SFRP1: variants seen among roughly 807,000 people sequenced by gnomAD.
SFRP1 encodes secreted frizzled-related protein 1.
SFRP1 carries 9 observed loss-of-function variants against 25.9 expected under a neutral mutation model. That is an observed-to-expected ratio of 0.35 (90% CI 0.21 to 0.61). The LOEUF is 0.61. Ranked by LOEUF, SFRP1 falls within the 20% of genes least tolerant of loss-of-function variation. The pLI, the probability that SFRP1 is intolerant of heterozygous loss-of-function variation, is 0.78. For missense variants in SFRP1, 346 were observed against 418.2 expected (o/e 0.83, Z 1.51); for synonymous variants, 178 against 174.0 (o/e 1.02, Z -0.18).
rs1309048613 is a variant in SFRP1, at chr8:41,262,857, G to A, written c.*2310C>T. ...ATGTGACAGAGACAAAGCTGCTATG[G>A]GTCTAAAACCTTCAATAAAGTAACT... On this transcript the variant is annotated 3_prime_UTR_variant, in exon 3 of 3. Coordinates refer to ENST00000220772, the MANE Select transcript of SFRP1 (RefSeq NM_003012.5). The A allele has an allele frequency of 6.6e-6, 1 of 152,146 alleles. No homozygotes were observed. The highest frequency in any genetic ancestry group is 2.4e-5 in the African/African-American group (1 of 41,408). 9.4% of individuals were successfully genotyped at this position (152,146 alleles called of 1,614,324 possible). A position where few individuals can be genotyped will look rare whatever the true frequency, so the allele number is the denominator to read the frequency against.
chr8:41,283,782 C>T (rs563011833), intron 2 of SFRP1, among the ~76,000 whole-genome samples: 70 of 152,096 alleles, frequency 4.6e-4, no homozygotes, highest in African/African-American at 1.6e-3. Context: ...AGGCTGGTCT[C>T]GAACTCCTGA....
chr8:41,293,547 T>A (rs1038695456), intron 2 of SFRP1, among the ~76,000 whole-genome samples: 1 of 152,138 alleles, frequency 6.6e-6, no homozygotes, highest in Non-Finnish European at 1.5e-5. Context: ...CCTCCTCTAC[T>A]TTCTCCATTA....
rs1803859553 is a variant in SFRP1, at chr8:41,297,599, G to A, written c.622+5862C>T. On this transcript the variant is annotated intron_variant, in intron 2 of 2. Transcript: ENST00000220772. Reference sequence around the variant, plus strand: ...CATATTCCAGGAACTGTCCACACTTGATTAAATCCAATTCTCCCAACACAG... The same window carrying A: ...CATATTCCAGGAACTGTCCACACTTAATTAAATCCAATTCTCCCAACACAG... 2.0e-5 allele frequency among the ~76,000 whole-genome samples: 3 copies of A among 152,044 alleles called. No homozygotes were observed. In the South Asian group the frequency reaches 6.2e-4, roughly 32 times the overall value.
intron 2 of SFRP1, among the ~76,000 whole-genome samples, chr8:41,288,650 C>T (rs1417803357): frequency 1.3e-5 from 2 of 151,038 alleles, no homozygotes; most frequent in African/African-American, 2.4e-5. Context: ...TGCATGATGG[C>T]CATCATTTGG....
At chr8:41,279,509 T>C (rs1803609075) in intron 2 of SFRP1, among the ~76,000 whole-genome samples, 1 of 152,120 alleles carries the variant, frequency 6.6e-6, no homozygotes, top group African/African-American at 2.4e-5. Flanking sequence ...AACTAGTCCA[T>C]GGCAGAGCGG....
chr8:41,294,839 C>T (rs751119529), intron 2 of SFRP1, among the ~76,000 whole-genome samples: 10 of 152,066 alleles, frequency 6.6e-5, no homozygotes, highest in Admixed American at 1.3e-4. Flanking sequence ...CAAATGTCAC[C>T]TTCTCTCAGG....
Position 41,308,755 on chromosome 8 carries a change from G to A in SFRP1, c.405C>T (p.Ala135=), listed in dbSNP as rs373338351. Residue 135 remains alanine (A), a synonymous_variant, in exon 1 of 3, where the codon GCC becomes GCT. Coordinates refer to ENST00000220772, the MANE Select transcript of SFRP1 (RefSeq NM_003012.5). ...TGACCGGCTCGCACGAGTCGCGCAC[G>A]GCCTCGCAGAGCCAGCGACACGGGT... is the stretch of plus-strand genomic sequence containing the variant. ...PIYPCRWLCE[A]VRDSCEPVMQ... 3 of 1,608,752 alleles carry A rather than the reference G, an allele frequency of 1.9e-6. No homozygotes were observed. In the Admixed American group the frequency reaches 5.1e-5, roughly 27 times the overall value.
chr8:41,265,622 AAT>A (rs1172785035), intron 2 of SFRP1, 133 bp from the exon 3 acceptor site: 3 of 627,582 alleles, frequency 4.8e-6, no homozygotes, highest in Non-Finnish European at 7.7e-6. Context: ...TCTTCTTGTA[AAT>A]ATATATGTTT....
intron 2 of SFRP1, among the ~76,000 whole-genome samples, chr8:41,294,739 G>A (rs1429594126): frequency 1.3e-5 from 2 of 151,904 alleles, no homozygotes; most frequent in Non-Finnish European, 2.9e-5. Flanking sequence ...AAACCTAACA[G>A]ACCAACACCT....
rs1374285362 is a variant in SFRP1, at chr8:41,287,560, AG to A, written c.622+15900del. Among the ~76,000 whole-genome samples, 7 of 152,262 alleles carry A rather than the reference AG, an allele frequency of 4.6e-5. No homozygotes were observed. The South Asian group carries it at 1.5e-3, about 32-fold the overall frequency. On this transcript the variant is annotated intron_variant, in intron 2 of 2. Coordinates refer to ENST00000220772, the MANE Select transcript of SFRP1 (RefSeq NM_003012.5). ...GGGGTGAGCCTGGCTCTACATCTCA[AG>A]CCTGGATTTTTCAAGCATCCTTTCT...
intron 2 of SFRP1, among the ~76,000 whole-genome samples, chr8:41,267,501 T>C (rs1386228079): frequency 6.6e-6 from 1 of 152,196 alleles, no homozygotes; most frequent in African/African-American, 2.4e-5. Context: ...CTCTTTTTAA[T>C]AGAAAATTAC....
chr8:41,304,866 A>G (rs1425398462), intron 1 of SFRP1, among the ~76,000 whole-genome samples: 1 of 151,694 alleles, frequency 6.6e-6, no homozygotes, highest in Non-Finnish European at 1.5e-5. Context: ...TTCCTCTCCC[A>G]CCTTTACTCT....
chr8:41,299,846 A>G (rs908821445), intron 2 of SFRP1, among the ~76,000 whole-genome samples: 3 of 152,040 alleles, frequency 2.0e-5, no homozygotes, highest in African/African-American at 7.2e-5. Flanking sequence ...CATTTCTGCA[A>G]GAAGTATGGT....
chr8:41,296,839 C>G (rs1224166362), intron 2 of SFRP1, among the ~76,000 whole-genome samples: 1 of 152,164 alleles, frequency 6.6e-6, no homozygotes, highest in Admixed American at 6.5e-5. Context: ...TGGTCCTATC[C>G]TGGAACACCA....
intron 2 of SFRP1, among the ~76,000 whole-genome samples, chr8:41,273,705 G>A (rs1377391407): frequency 4.6e-5 from 7 of 152,098 alleles, no homozygotes; most frequent in Non-Finnish European, 8.8e-5. Context: ...GGCTTAGGAT[G>A]GTTTTTCCCG....
In SFRP1 at chr8:41,265,436, C is replaced by T; in HGVS notation, c.676G>A (p.Val226Ile). 6.2e-7 allele frequency: 1 copy of T among 1,611,180 alleles called. No individual in the cohort carries two copies. Among genetic ancestry groups the T allele is most frequent in the Non-Finnish European group, 8.5e-7 (1 of 1,179,466 alleles). ...TTCAGGGGCTTCTTCTTCTTGGGGA[C>T]AATCTTCTTGTCGCCATTTTCTTTT... The part of the protein sequence containing the change: ...VKKENGDKKI[V>I]PKKKKPLKLG... Residue 226 changes from valine to isoleucine, a missense_variant, in exon 3 of 3, where the codon GTC becomes ATC. By Grantham distance (29) the Val-to-Ile change is conservative. Transcript: ENST00000220772.
intron 2 of SFRP1, among the ~76,000 whole-genome samples, chr8:41,295,448 G>C (rs577867231): frequency 6.6e-6 from 1 of 151,302 alleles, no homozygotes; most frequent in African/African-American, 2.4e-5. Flanking sequence ...AAAATTCCTT[G>C]AACCCAGTAG....
chr8:41,286,688 C>T (rs968395607), intron 2 of SFRP1, among the ~76,000 whole-genome samples: 1 of 152,176 alleles, frequency 6.6e-6, no homozygotes, highest in African/African-American at 2.4e-5. Context: ...CTGGCGTCAT[C>T]CCTTTCTTCA....
intron 1 of SFRP1, among the ~76,000 whole-genome samples, chr8:41,306,145 T>C (rs1479701295): frequency 1.3e-5 from 2 of 150,612 alleles, no homozygotes; most frequent in African/African-American, 4.8e-5. Context: ...CAGGAGCTTC[T>C]ATGGCTTGGG....
Sources: gnomAD v4.1 joint callset for allele counts (sites outside exome capture counted in the v4.1 genomes callset) on GRCh38, gnomAD v4.1.1 for gene constraint, MANE v1.5 for transcripts, NCBI Gene and HGNC (gene_info 2026-07-23, HGNC 2026-07-21) for gene names.